Variants in C2CD3 observed in about 807,000 individuals in gnomAD.
C2CD3 encodes C2 domain containing 3 centriole elongation regulator.
In C2CD3, 148 loss-of-function variants were observed where a neutral mutation model predicts 234.0. That is an observed-to-expected ratio of 0.63 (90% CI 0.55 to 0.72). The LOEUF is 0.72. Among genes scored for constraint, C2CD3 ranks in the 30% least tolerant of loss-of-function variants. The probability of loss-of-function intolerance (pLI) is 0.00; values close to 1 mark genes in which losing one functional copy is unlikely to be tolerated. For synonymous variants in C2CD3, 1,000 were observed against 1,035.4 expected (o/e 0.97, Z 0.66); for missense variants, 2,577 against 2,811.5 (o/e 0.92, Z 1.89).
intron 23 of C2CD3, among the ~76,000 whole-genome samples, chr11:74,076,325 A>G (rs1955038039): frequency 6.6e-6 from 1 of 152,214 alleles, no homozygotes; most frequent in South Asian, 2.1e-4. Context: ...ACAGGGTCAG[A>G]GCACAGGGCT....
chr11:74,024,530 C>T (rs1008411986), intron 32 of C2CD3, among the ~76,000 whole-genome samples: 7 of 152,106 alleles, frequency 4.6e-5, no homozygotes, highest in African/African-American at 1.4e-4. Context: ...CAAAGTGAGG[C>T]CTTTTTAATA....
chr11:74,019,187 A>G (rs1451181947), intron 32 of C2CD3, among the ~76,000 whole-genome samples: 1 of 152,214 alleles, frequency 6.6e-6, no homozygotes, highest in Non-Finnish European at 1.5e-5. Flanking sequence ...TACTCTTACA[A>G]GAAGAGCTCC....
At chr11:74,119,756 C>T (rs1028960205) in intron 8 of C2CD3, among the ~76,000 whole-genome samples, 1 of 151,564 alleles carries the variant, frequency 6.6e-6, no homozygotes, top group Non-Finnish European at 1.5e-5. Context: ...ATGCCTCAGT[C>T]TCCCAAGTAG....
At chr11:74,073,572 G>T (rs1477541262) in intron 24 of C2CD3, among the ~76,000 whole-genome samples, 3 of 139,820 alleles carry the variant, frequency 2.1e-5, no homozygotes, top group African/African-American at 8.3e-5. Context: ...GGGCGACAGA[G>T]CAAGACTTTG....
intron 22 of C2CD3, 41 bp downstream of exon 22, chr11:74,084,840 G>T (rs757087853): frequency 1.7e-6 from 2 of 1,193,642 alleles, no homozygotes; most frequent in East Asian, 4.7e-5. Flanking sequence ...GAAGTGAAAG[G>T]GAAAGGGTGG....
intron 3 of C2CD3, among the ~76,000 whole-genome samples, chr11:74,144,359 G>A (rs1855017705): frequency 6.6e-6 from 1 of 152,124 alleles, no homozygotes; most frequent in African/African-American, 2.4e-5. Context: ...CAATGAGAGG[G>A]TCACTCATCA....
chr11:74,085,004 A>G lies in C2CD3; in HGVS notation c.3911-34T>C, dbSNP rs777777043. 4 of 1,253,288 alleles carry G rather than the reference A, an allele frequency of 3.2e-6. No homozygotes were observed. In the African/African-American group the frequency reaches 4.4e-5, roughly 14 times the overall value. 77.6% of individuals were successfully genotyped at this position (1,253,288 alleles called of 1,614,324 possible). A position where few individuals can be genotyped will look rare whatever the true frequency, so the allele number is the denominator to read the frequency against. ...TCAAGCAAAAAAGAAAAATTATTTG[A>G]TGGTCTATTCATCAAGGGGCTAGTT... On this transcript the variant is annotated intron_variant, in intron 21 of 32. Transcript: ENST00000334126.
chr11:74,133,381 A>G, intron 6 of C2CD3, 44 bp downstream of exon 6: 2 of 1,569,858 alleles, frequency 1.3e-6, no homozygotes, highest in Non-Finnish European at 1.8e-6. Context: ...GTTAACAACT[A>G]TTAAGAAATG....
At chr11:74,020,090 G>A (rs146676528) in intron 32 of C2CD3, among the ~76,000 whole-genome samples, 4 of 152,288 alleles carry the variant, frequency 2.6e-5, no homozygotes, top group Non-Finnish European at 4.4e-5. Context: ...TGTCTGGCCC[G>A]ATGCCTGTGG....
In C2CD3 at chr11:74,114,393, G is replaced by C; in HGVS notation, c.1721C>G (p.Ala574Gly). ...CATGTTAGAGACATACCGCTTTTTTGCTGTAGTCACCTTAGGTGGTGGACC... is the reference window on the plus strand; with the variant it reads ...CATGTTAGAGACATACCGCTTTTTTCCTGTAGTCACCTTAGGTGGTGGACC... ...YAGPPPKVTT[A>G]KKRTFFVEYH... Residue 574 changes from alanine to glycine, a missense_variant, in exon 10 of 33, where the codon GCA becomes GGA. By Grantham distance (60) the Ala-to-Gly change is moderately conservative. Coordinates refer to ENST00000334126, the MANE Select transcript of C2CD3 (RefSeq NM_001286577.2). The C allele has an allele frequency of 6.2e-7, 1 of 1,612,456 alleles. No individual in the cohort carries two copies. Among genetic ancestry groups the C allele is most frequent in the Non-Finnish European group, 8.5e-7 (1 of 1,179,038 alleles).
chr11:74,028,925 T>C (rs374884638), intron 31 of C2CD3, among the ~76,000 whole-genome samples: 1 of 152,214 alleles, frequency 6.6e-6, no homozygotes, highest in South Asian at 2.1e-4. Flanking sequence ...GGGCAGTGCC[T>C]TAGGCTGCAT....
At chr11:74,149,310 T>A (rs567347645) in intron 3 of C2CD3, among the ~76,000 whole-genome samples, 3 of 152,314 alleles carry the variant, frequency 2.0e-5, no homozygotes, top group Non-Finnish European at 4.4e-5. Flanking sequence ...TTTCCTTTCC[T>A]GCACAACATT....
chr11:74,100,474 A>C, intron 15 of C2CD3, 51 bp downstream of exon 15: 1 of 1,497,832 alleles, frequency 6.7e-7, no homozygotes, highest in Non-Finnish European at 9.1e-7. Context: ...TTTTCAGTCC[A>C]TGCAAAGTTA....
chr11:74,133,667 G>C (rs1444402550), intron 5 of C2CD3, 110 bp from the exon 6 acceptor site: 8 of 1,144,216 alleles, frequency 7.0e-6, no homozygotes, highest in Non-Finnish European at 9.9e-6. Context: ...TACTGTAATA[G>C]TTTGCTCATC....
chr11:74,078,636 C>T lies in C2CD3; in HGVS notation c.4082G>A (p.Gly1361Asp), dbSNP rs763113694. The stretch of plus-strand genomic sequence containing the variant: ...GAAGGAAATCGAAAGCTCCAGACCA[C>T]CCACGATCTTCTGCATGAGCTCCAG... Reference protein sequence around the residue: ...HGLELMQKIVGGLELSISFTH... With the variant: ...HGLELMQKIVDGLELSISFTH... The change falls in exon 23 of 33, where the codon GGT becomes GAT. Residue 1361 changes from glycine (G) to aspartate (D), a missense_variant. Physicochemically the swap from Gly to Asp is moderately conservative, Grantham distance 94 (BLOSUM62 -1). Transcript: ENST00000334126. The T allele has an allele frequency of 6.2e-7, 1 of 1,614,072 alleles. No individual in the cohort carries two copies. The highest frequency in any genetic ancestry group is 8.5e-7 in the Non-Finnish European group (1 of 1,180,032).
In C2CD3 at chr11:74,114,373, T is replaced by G; in HGVS notation, c.1730+11A>C. 1 of 1,604,814 alleles carries G rather than the reference T, an allele frequency of 6.2e-7. No individual in the cohort carries two copies. The highest frequency in any genetic ancestry group is 8.5e-7 in the Non-Finnish European group (1 of 1,172,280). Reference sequence around the variant, plus strand: ...AATGTCAAATTTAGCTTTCTCATGTTAGAGACATACCGCTTTTTTGCTGTA... The same window carrying G: ...AATGTCAAATTTAGCTTTCTCATGTGAGAGACATACCGCTTTTTTGCTGTA... On this transcript the variant is annotated intron_variant, in intron 10 of 32. Transcript: ENST00000334126.
At chr11:74,031,767 T>C (rs1364256269) in intron 31 of C2CD3, among the ~76,000 whole-genome samples, 1 of 152,222 alleles carries the variant, frequency 6.6e-6, no homozygotes, top group Non-Finnish European at 1.5e-5. Context: ...TCTGGGCACA[T>C]GTGGCATCTC....
rs779328939 is a variant in C2CD3 at position 74,074,449 on chromosome 11, G to A, written c.4755C>T (p.Leu1585=). The stretch of plus-strand genomic sequence containing the variant: ...GCTGGACCTCATCATTCCTTCTGGG[G>A]AGCTGCTCAGACTCACTGTGGCTGC... ...DCSSHSESEQ[L]PRRNDEVQLS... Residue 1585 remains leucine, a synonymous_variant, in exon 24 of 33, where the codon CTC becomes CTT. Transcript: ENST00000334126. 22 of 1,614,064 alleles carry A rather than the reference G, an allele frequency of 1.4e-5. No individual in the cohort carries two copies. The highest frequency in any genetic ancestry group is 1.9e-5 in the Non-Finnish European group (22 of 1,180,032).
At chr11:74,083,910 A>C (rs1435758685) in intron 22 of C2CD3, among the ~76,000 whole-genome samples, 1 of 152,172 alleles carries the variant, frequency 6.6e-6, no homozygotes, top group Non-Finnish European at 1.5e-5. Flanking sequence ...CTAGAAATAG[A>C]ATTACCATTT....
Sources: allele counts gnomAD v4.1 joint callset (sites outside exome capture counted in the v4.1 genomes callset), GRCh38; gene constraint gnomAD v4.1.1; transcripts MANE v1.5; gene names NCBI Gene and HGNC (gene_info 2026-07-23, HGNC 2026-07-21).